TRABD2B: variants seen among roughly 807,000 people sequenced by gnomAD.
TRABD2B encodes TraB domain containing 2B, also known as metalloprotease TIKI2.
In TRABD2B, 14 loss-of-function variants were observed where a neutral mutation model predicts 40.1. That is an observed-to-expected ratio of 0.35 (90% CI 0.23 to 0.55). TRABD2B has a LOEUF of 0.55. Ranked by LOEUF, TRABD2B falls within the 20% of genes least tolerant of loss-of-function variation. The pLI, the probability that TRABD2B is intolerant of heterozygous loss-of-function variation, is 0.90. For synonymous variants in TRABD2B, 263 were observed against 277.0 expected (o/e 0.95, Z 0.50); for missense variants, 541 against 648.6 (o/e 0.83, Z 1.80).
chr1:47,952,899 C>G (rs1212162534), intron 2 of TRABD2B, among the ~76,000 whole-genome samples: 1 of 152,166 alleles, frequency 6.6e-6, no homozygotes, highest in Non-Finnish European at 1.5e-5. Context: ...TGGGTCTTCT[C>G]GACTATCAGC....
At chr1:47,791,864 C>T (rs1348313958) in intron 4 of TRABD2B, among the ~76,000 whole-genome samples, 1 of 152,226 alleles carries the variant, frequency 6.6e-6, no homozygotes, top group Non-Finnish European at 1.5e-5. Flanking sequence ...CACACAAAAA[C>T]AGAGCCCTTG....
chr1:47,873,189 G>T (rs932309739), intron 2 of TRABD2B, among the ~76,000 whole-genome samples: 1 of 152,104 alleles, frequency 6.6e-6, no homozygotes, highest in East Asian at 1.9e-4. Context: ...GCCTCCCAAA[G>T]GCCCCACCCT....
chr1:47,958,675 T>C (rs1399897223), intron 2 of TRABD2B, among the ~76,000 whole-genome samples: 1 of 152,146 alleles, frequency 6.6e-6, no homozygotes, highest in Non-Finnish European at 1.5e-5. Flanking sequence ...CCTAAATATA[T>C]ATGCACCCAA....
intron 2 of TRABD2B, among the ~76,000 whole-genome samples, chr1:47,870,909 C>A (rs918738112): frequency 1.3e-5 from 2 of 152,168 alleles, no homozygotes; most frequent in Non-Finnish European, 2.9e-5. Flanking sequence ...GCAGGGAGAA[C>A]AGCATATGAA....
At chr1:47,795,951 T>C (rs540372247) in intron 3 of TRABD2B, among the ~76,000 whole-genome samples, 2 of 151,972 alleles carry the variant, frequency 1.3e-5, no homozygotes, top group African/African-American at 4.8e-5. Flanking sequence ...TAACAGGGTC[T>C]TGAACTAGGC....
chr1:47,965,389 CA>C (rs113225973), intron 2 of TRABD2B, among the ~76,000 whole-genome samples: 556 of 135,774 alleles, frequency 4.1e-3, no homozygotes, highest in Non-Finnish European at 3.8e-3. Context: ...TCCTTCCCTG[CA>C]AAAAAAAAAA....
chr1:47,941,614 G>A (rs1645189830), intron 2 of TRABD2B, among the ~76,000 whole-genome samples: 1 of 152,228 alleles, frequency 6.6e-6, no homozygotes, highest in East Asian at 1.9e-4. Context: ...GTATAAACCA[G>A]GCTAGTAATC....
rs1489924273 is a variant in TRABD2B, at chr1:47,811,024, A to C, written c.667-9405T>G. 5.9e-5 allele frequency among the ~76,000 whole-genome samples: 9 copies of C among 152,166 alleles called. No homozygotes were observed. In the East Asian group the frequency reaches 1.7e-3, roughly 29 times the overall value. On this transcript the variant is annotated intron_variant, in intron 2 of 6. Transcript: ENST00000606738. ...AGCAGAAAGTGGATCTGGAGAGGAA[A>C]GTGGAGAATTTCCAGCACAAGGGAG... is the stretch of plus-strand genomic sequence containing the variant.
At chr1:47,827,524 C>T (rs1325463951) in intron 2 of TRABD2B, among the ~76,000 whole-genome samples, 1 of 152,216 alleles carries the variant, frequency 6.6e-6, no homozygotes. Flanking sequence ...AAGCATTTCC[C>T]TCCCTTCAGA....
At chr1:47,903,464 C>T (rs1426616472) in intron 2 of TRABD2B, among the ~76,000 whole-genome samples, 2 of 152,092 alleles carry the variant, frequency 1.3e-5, no homozygotes, top group African/African-American at 4.8e-5. Flanking sequence ...TGAGCAGGGG[C>T]TCCTTGAGGA....
At chr1:47,916,036 C>T (rs1356480098) in intron 2 of TRABD2B, among the ~76,000 whole-genome samples, 1 of 151,954 alleles carries the variant, frequency 6.6e-6, no homozygotes, top group Middle Eastern at 3.2e-3. Context: ...CTGCAAGGAC[C>T]TGGGGTTGCT....
intron 2 of TRABD2B, among the ~76,000 whole-genome samples, chr1:47,861,845 A>G (rs549531718): frequency 6.6e-6 from 1 of 152,378 alleles, no homozygotes; most frequent in East Asian, 1.9e-4. Flanking sequence ...TTTCATGAAT[A>G]TAGGTATAAA....
At chr1:47,901,227 AAG>A (rs984746021) in intron 2 of TRABD2B, among the ~76,000 whole-genome samples, 3 of 152,210 alleles carry the variant, frequency 2.0e-5, no homozygotes, top group Non-Finnish European at 4.4e-5. Flanking sequence ...AACAATTTGC[AAG>A]AGTCACCAAG....
rs758877894 is a variant in TRABD2B, at chr1:47,794,784, C to G, written c.814-24G>C. On this transcript the variant is annotated intron_variant, in intron 3 of 6. Transcript: ENST00000606738. ...AGCTGCAAAGGCAAGACAGAGGCTG[C>G]CTTCAGTTTTTTTTTTTTTTTTTTT... 6 of 1,338,356 alleles carry G rather than the reference C, an allele frequency of 4.5e-6. No homozygotes were observed. In the African/African-American group the frequency reaches 7.8e-5, roughly 17 times the overall value. The allele number at this position is 1,338,356 out of a possible 1,614,324, so 82.9% of individuals were successfully genotyped here. A position where few individuals can be genotyped will look rare whatever the true frequency, so the allele number is the denominator to read the frequency against.
At chr1:47,855,633 T>C (rs1449027692) in intron 2 of TRABD2B, among the ~76,000 whole-genome samples, 1 of 152,246 alleles carries the variant, frequency 6.6e-6, no homozygotes, top group Non-Finnish European at 1.5e-5. Flanking sequence ...TCCACTGCTA[T>C]GGATGGAATG....
intron 2 of TRABD2B, among the ~76,000 whole-genome samples, chr1:47,816,053 T>C (rs1557589315): frequency 6.6e-6 from 1 of 152,196 alleles, no homozygotes; most frequent in Non-Finnish European, 1.5e-5. Context: ...TCATTCTCCA[T>C]GGTCTGGTCT....
intron 6 of TRABD2B, among the ~76,000 whole-genome samples, chr1:47,769,361 A>G (rs192212519): frequency 4.6e-5 from 7 of 152,284 alleles, no homozygotes; most frequent in African/African-American, 1.4e-4. Context: ...AGGCGAGACC[A>G]AGTAGGAGTT....
chr1:47,966,996 T>C (rs955160380), intron 2 of TRABD2B, among the ~76,000 whole-genome samples: 4 of 151,936 alleles, frequency 2.6e-5, no homozygotes, highest in African/African-American at 7.3e-5. Flanking sequence ...TTCAATAAAG[T>C]TGAACAAATC....
intron 2 of TRABD2B, among the ~76,000 whole-genome samples, chr1:47,802,294 C>G (rs1427734555): frequency 6.6e-6 from 1 of 152,198 alleles, no homozygotes; most frequent in African/African-American, 2.4e-5. Flanking sequence ...ATCAGAGGCT[C>G]TGTATTTTTA....
Sources: allele counts gnomAD v4.1 joint callset (sites outside exome capture counted in the v4.1 genomes callset), GRCh38; gene constraint gnomAD v4.1.1; transcripts MANE v1.5; gene names NCBI Gene and HGNC (gene_info 2026-07-23, HGNC 2026-07-21).